The following POU2AF2 variants were observed in gnomAD, a reference collection of about 807,000 sequenced individuals.
POU2AF2 encodes the protein POU domain class 2-associating factor 2.
chr11:111,261,597 A>G, the POU2AF2 span, among the ~76,000 whole-genome samples: 2 of 150,326 alleles, frequency 1.3e-5, no homozygotes, highest in Non-Finnish European at 3.0e-5. Context: ...CTTGCTGTGT[A>G]GGAAAAGGAA....
At chr11:111,276,453 A>AATATATATATAT in the POU2AF2 span, among the ~76,000 whole-genome samples, 271 of 37,134 alleles carry the variant, frequency 7.3e-3, 2 homozygotes, top group East Asian at 0.025. Context: ...AAAAAAAAAA[A>AATATATATATAT]ATATATATAT....
chr11:111,261,471 G>A, the POU2AF2 span, among the ~76,000 whole-genome samples: 2 of 152,152 alleles, frequency 1.3e-5, no homozygotes, highest in Non-Finnish European at 2.9e-5. Context: ...TTGAAAGTTG[G>A]TGAGTGATTT....
At chr11:111,249,940 C>G in the POU2AF2 span, among the ~76,000 whole-genome samples, 1 of 152,164 alleles carries the variant, frequency 6.6e-6, no homozygotes. Context: ...ACAAAGTCTT[C>G]CTTGGAGAAC....
the POU2AF2 span, among the ~76,000 whole-genome samples, chr11:111,251,295 G>A: frequency 6.6e-6 from 1 of 152,224 alleles, no homozygotes; most frequent in Non-Finnish European, 1.5e-5. Context: ...AGCCTAGAAT[G>A]ACTCTACAGC....
chr11:111,264,532 GAAA>G, the POU2AF2 span, among the ~76,000 whole-genome samples: 9 of 62,794 alleles, frequency 1.4e-4, no homozygotes, highest in East Asian at 2.7e-3. Context: ...AAGAAAGAAA[GAAA>G]GAAAGAAAGA....
chr11:111,283,184 G>A, the POU2AF2 span, among the ~76,000 whole-genome samples: 10 of 150,640 alleles, frequency 6.6e-5, no homozygotes, highest in African/African-American at 2.4e-4. Flanking sequence ...GACTACAGCA[G>A]CTGTGATTAC....
At chr11:111,253,313 C>A in the POU2AF2 span, among the ~76,000 whole-genome samples, 1 of 152,164 alleles carries the variant, frequency 6.6e-6, no homozygotes, top group Admixed American at 6.5e-5. Context: ...ACCTGTTTAC[C>A]CCAGTATGCC....
At chr11:111,270,505 C>T in the POU2AF2 span, among the ~76,000 whole-genome samples, 1 of 152,114 alleles carries the variant, frequency 6.6e-6, no homozygotes, top group Non-Finnish European at 1.5e-5. Context: ...ATAACCTAGG[C>T]TTTGTAGAAA....
At chr11:111,282,495 C>A in the POU2AF2 span, among the ~76,000 whole-genome samples, 1 of 152,190 alleles carries the variant, frequency 6.6e-6, no homozygotes, top group African/African-American at 2.4e-5. Context: ...ATTTTGATTT[C>A]TTCTTCTGGA....
the POU2AF2 span, among the ~76,000 whole-genome samples, chr11:111,248,209 A>T: frequency 1.3e-5 from 2 of 152,284 alleles, no homozygotes; most frequent in African/African-American, 4.8e-5. Context: ...AAGTGAAACC[A>T]CTAACCCTGA....
the POU2AF2 span, among the ~76,000 whole-genome samples, chr11:111,276,453 AATAT>A: frequency 1.6e-3 from 60 of 37,556 alleles, 1 homozygote; most frequent in Middle Eastern, 0.014. Context: ...AAAAAAAAAA[AATAT>A]ATATATATAT....
At chr11:111,280,030 G>C in the POU2AF2 span, among the ~76,000 whole-genome samples, 59 of 92,466 alleles carry the variant, frequency 6.4e-4, no homozygotes, top group Non-Finnish European at 1.1e-3. Flanking sequence ...GAGAGAGTGA[G>C]ACTCCATCTC....
the POU2AF2 span, among the ~76,000 whole-genome samples, chr11:111,256,514 G>A: frequency 6.6e-6 from 1 of 152,242 alleles, no homozygotes; most frequent in African/African-American, 2.4e-5. Flanking sequence ...TGAGGAGCCT[G>A]ATGGAGTGGA....
At chr11:111,260,142 T>G in the POU2AF2 span, among the ~76,000 whole-genome samples, 1 of 152,216 alleles carries the variant, frequency 6.6e-6, no homozygotes, top group Admixed American at 6.5e-5. Context: ...GGGGCTCTGA[T>G]TTGATGGCTC....
At chr11:111,285,202 G>C in the POU2AF2 span, among the ~76,000 whole-genome samples, 1 of 152,270 alleles carries the variant, frequency 6.6e-6, no homozygotes, top group East Asian at 1.9e-4. Context: ...AATGAGGACA[G>C]AGTGGGCTTC....
the POU2AF2 span, among the ~76,000 whole-genome samples, chr11:111,259,866 C>G: frequency 6.6e-6 from 1 of 152,162 alleles, no homozygotes; most frequent in African/African-American, 2.4e-5. Flanking sequence ...TTACGCTCAT[C>G]CTCACTTCAC....
the POU2AF2 span, among the ~76,000 whole-genome samples, chr11:111,272,963 T>G: frequency 6.6e-6 from 1 of 152,214 alleles, no homozygotes; most frequent in Non-Finnish European, 1.5e-5. Flanking sequence ...ACACATTGAT[T>G]TGCCCCTTTT....
At chr11:111,277,278 T>A in the POU2AF2 span, among the ~76,000 whole-genome samples, 2 of 152,178 alleles carry the variant, frequency 1.3e-5, no homozygotes, top group Non-Finnish European at 2.9e-5. Context: ...AAAAGCTTCA[T>A]CAAGTAATAA....
the POU2AF2 span, chr11:111,286,343 G>A: frequency 2.5e-4 from 74 of 295,062 alleles, no homozygotes; most frequent in Non-Finnish European, 3.7e-4. Flanking sequence ...TGTTATCTTT[G>A]AAGTATCATT....
Sources: gnomAD v4.1 joint callset for allele counts (sites outside exome capture counted in the v4.1 genomes callset) on GRCh38, gnomAD v4.1.1 for gene constraint, MANE v1.5 for transcripts, NCBI Gene and HGNC (gene_info 2026-07-23, HGNC 2026-07-21) for gene names.